BMERB1: variants seen among roughly 807,000 people sequenced by gnomAD.
BMERB1 encodes bMERB domain-containing protein 1.
In BMERB1, 12 loss-of-function variants were observed where a neutral mutation model predicts 23.6. That is an observed-to-expected ratio of 0.51 (90% confidence interval 0.33 to 0.82). BMERB1 has a LOEUF of 0.82. Ranked by LOEUF, BMERB1 falls within the 40% of genes least tolerant of loss-of-function variation. The pLI is 0.03. For missense variants in BMERB1, 247 were observed against 255.4 expected (o/e 0.97, Z 0.22); for synonymous variants, 122 against 96.6 (o/e 1.26, Z -1.54).
chr16:15,569,226 AAG>A (rs1412109437), intron 3 of BMERB1, among the ~76,000 whole-genome samples: 2 of 152,120 alleles, frequency 1.3e-5, no homozygotes, highest in Non-Finnish European at 2.9e-5. Context: ...AAAAAAAAGA[AAG>A]AGAGAACTGA....
intron 2 of BMERB1, among the ~76,000 whole-genome samples, chr16:15,523,812 G>A (rs756776234): frequency 2.6e-5 from 4 of 152,000 alleles, no homozygotes; most frequent in Non-Finnish European, 4.4e-5. Context: ...ATTGTGCTTC[G>A]TGGGAGAGTA....
At chr16:15,497,808 C>T (rs2051488499) in intron 1 of BMERB1, among the ~76,000 whole-genome samples, 1 of 152,198 alleles carries the variant, frequency 6.6e-6, no homozygotes, top group Non-Finnish European at 1.5e-5. Context: ...TGTGCCCCCT[C>T]ATCATTAGCC....
intron 1 of BMERB1, among the ~76,000 whole-genome samples, chr16:15,453,547 A>C (rs551442447): frequency 1.3e-5 from 2 of 152,212 alleles, no homozygotes; most frequent in South Asian, 2.1e-4. Context: ...GTGCCACTGC[A>C]CTCCAGCCTG....
intron 2 of BMERB1, among the ~76,000 whole-genome samples, chr16:15,522,708 G>A (rs2051868147): frequency 6.6e-6 from 1 of 152,078 alleles, no homozygotes; most frequent in African/African-American, 2.4e-5. Flanking sequence ...TGTCCCCCTC[G>A]CAGGGTGTGT....
chr16:15,531,697 C>T (rs1233995533), intron 2 of BMERB1, among the ~76,000 whole-genome samples: 1 of 152,156 alleles, frequency 6.6e-6, no homozygotes, highest in Non-Finnish European at 1.5e-5. Context: ...CAATAGATAC[C>T]AGTAAATTGC....
intron 1 of BMERB1, among the ~76,000 whole-genome samples, chr16:15,460,394 C>T (rs757716887): frequency 4.7e-4 from 72 of 152,130 alleles, no homozygotes; most frequent in Non-Finnish European, 8.5e-4. Flanking sequence ...TGGATATATA[C>T]GGAACAGATG....
At position 15,456,362 on chromosome 16, in the gene BMERB1, A is replaced by G. The variant is rs2051087691; in HGVS notation, c.106+21603A>G. 2.0e-5 allele frequency among the ~76,000 whole-genome samples: 3 copies of G among 151,298 alleles called. No homozygotes were observed. The South Asian group carries it at 6.3e-4, about 32-fold the overall frequency. On this transcript the variant is annotated intron_variant, in intron 1 of 5. Coordinates refer to ENST00000300006, the MANE Select transcript of BMERB1 (RefSeq NM_033201.3). ...CTTGTTTTTTTTTTTTTTGAGAGAA[A>G]GTCTAGTTCTGTCACCCAGGCTGGA... is the stretch of plus-strand genomic sequence containing the variant.
intron 2 of BMERB1, chr16:15,537,077 A>C (rs2052032225): frequency 6.6e-6 from 1 of 152,108 alleles, no homozygotes; most frequent in Non-Finnish European, 1.5e-5. Context: ...GATAATTCCG[A>C]TGCCATCTGT....
At chr16:15,492,905 T>C (rs1177487233) in intron 1 of BMERB1, among the ~76,000 whole-genome samples, 21 of 150,374 alleles carry the variant, frequency 1.4e-4, no homozygotes, top group Non-Finnish European at 1.5e-5. Context: ...AGTGACAATA[T>C]GAGATTCCAT....
At chr16:15,547,870 C>A (rs527650301) in intron 2 of BMERB1, among the ~76,000 whole-genome samples, 3 of 152,302 alleles carry the variant, frequency 2.0e-5, no homozygotes, top group African/African-American at 7.2e-5. Context: ...GCTGTGGGAT[C>A]TTCCTGTATA....
chr16:15,534,150 A>G (rs747624169), intron 2 of BMERB1, among the ~76,000 whole-genome samples: 2 of 151,906 alleles, frequency 1.3e-5, no homozygotes, highest in African/African-American at 4.8e-5. Flanking sequence ...GGTGTCATTG[A>G]TCTCTTCACA....
Position 15,586,889 on chromosome 16 carries a change from C to T in BMERB1, c.*60C>T, listed in dbSNP as rs1393996741. 2.5e-5 allele frequency: 28 copies of T among 1,101,092 alleles called. No individual in the cohort carries two copies. Among genetic ancestry groups the T allele is most frequent in the Non-Finnish European group, 3.9e-6 (3 of 766,304 alleles). The allele number at this position is 1,101,092 out of a possible 1,614,324, so 68.2% of individuals were successfully genotyped here. ...CCCCCCACCCTCTTGTCTTTATAGC[C>T]CCCATTTCACCGGGGCCCAAGAGCT... On this transcript the variant is annotated 3_prime_UTR_variant, in exon 6 of 6. Transcript: ENST00000300006.
chr16:15,449,867 C>G (rs2051026718), intron 1 of BMERB1, among the ~76,000 whole-genome samples: 1 of 151,806 alleles, frequency 6.6e-6, no homozygotes, highest in Non-Finnish European at 1.5e-5. Flanking sequence ...TAATCTCCAT[C>G]TAGTATTTAG....
chr16:15,435,020 T>C (rs2050876022), intron 1 of BMERB1, among the ~76,000 whole-genome samples: 1 of 152,242 alleles, frequency 6.6e-6, no homozygotes, highest in Admixed American at 6.5e-5. Context: ...TGGGCTCGAC[T>C]TAGGAGTCCC....
intron 3 of BMERB1, among the ~76,000 whole-genome samples, chr16:15,574,314 A>T (rs568802157): frequency 4.2e-4 from 64 of 152,278 alleles, no homozygotes; most frequent in African/African-American, 1.3e-3. Context: ...CGTGGGGATG[A>T]TGGGGATTAT....
chr16:15,535,698 G>A (rs556261357), intron 2 of BMERB1, among the ~76,000 whole-genome samples: 6 of 150,088 alleles, frequency 4.0e-5, no homozygotes, highest in South Asian at 4.2e-4. Flanking sequence ...TAGCTATACC[G>A]AGAACTTTAT....
At chr16:15,580,095 A>AT (rs35772701) in intron 3 of BMERB1, among the ~76,000 whole-genome samples, 7,242 of 140,894 alleles carry the variant, frequency 0.051, 169 homozygotes, top group Non-Finnish European at 0.063. Context: ...TGCCCTCTCA[A>AT]TTTTTTTTTT....
intron 3 of BMERB1, among the ~76,000 whole-genome samples, chr16:15,578,362 G>T (rs1483134726): frequency 6.6e-6 from 1 of 151,824 alleles, no homozygotes; most frequent in African/African-American, 2.4e-5. Context: ...CCATGCTTGG[G>T]TCTCTTTCCT....
In BMERB1 at chr16:15,563,393, G is replaced by A. The variant is rs559027796; in HGVS notation, c.231-4590G>A. Reference sequence around the variant, plus strand: ...TACCACCACGCCCGGCTAATTTTTCGTATTTTTAGTAGAGACGGGGTTTCA... The same window carrying A: ...TACCACCACGCCCGGCTAATTTTTCATATTTTTAGTAGAGACGGGGTTTCA... On this transcript the variant is annotated intron_variant, in intron 2 of 5. Coordinates refer to ENST00000300006, the MANE Select transcript of BMERB1 (RefSeq NM_033201.3). 1.4e-4 allele frequency among the ~76,000 whole-genome samples: 22 copies of A among 151,926 alleles called. No homozygotes were observed. The East Asian group carries it at 1.6e-3, about 11-fold the overall frequency.
Sources: allele counts gnomAD v4.1 joint callset (sites outside exome capture counted in the v4.1 genomes callset), GRCh38; gene constraint gnomAD v4.1.1; transcripts MANE v1.5; gene names NCBI Gene and HGNC (gene_info 2026-07-23, HGNC 2026-07-21).